The following ZNF75A variants were observed in gnomAD, a reference collection of about 807,000 sequenced individuals.
ZNF75A encodes the protein zinc finger protein 75A.
ZNF75A carries 36 observed loss-of-function variants against 46.3 expected under a neutral mutation model. The ratio of observed to expected loss-of-function variants is 0.78; its 90% CI spans 0.60 to 1.03. ZNF75A has a LOEUF of 1.03. ZNF75A is among the 50% of genes least tolerant of loss of function. The pLI, the probability that ZNF75A is intolerant of heterozygous loss-of-function variation, is 0.00. For synonymous variants in ZNF75A, 234 were observed against 189.9 expected (o/e 1.23, Z -1.91); for missense variants, 595 against 551.3 (o/e 1.08, Z -0.79).
Position 3,311,915 on chromosome 16 carries a change from A to T in ZNF75A, c.571A>T (p.Thr191Ser), listed in dbSNP as rs761373894. 7.1e-6 allele frequency: 7 copies of T among 988,462 alleles called. No individual in the cohort carries two copies. The highest frequency in any genetic ancestry group is 7.2e-6 in the Non-Finnish European group (6 of 831,050). The allele number at this position is 988,462 out of a possible 1,614,324, so 61.2% of individuals were successfully genotyped here. ...TCTGCAAGAACAGCTCAGCAGGAAT[A>T]CTCATAAAGAGACTGAGCCTGTGTA... ...EGLQEQLSRN[T>S]HKETEPVYER... The change falls in exon 3 of 7, where the codon ACT (threonine) becomes TCT (serine). Residue 191 changes from threonine (T) to serine (S), a missense_variant. By Grantham distance (58) the Thr-to-Ser change is moderately conservative (BLOSUM62 1). Coordinates refer to ENST00000669516, the MANE Select transcript of ZNF75A (RefSeq NM_001302109.2).
chr16:3,315,164 T>A, intron 5 of ZNF75A: 7 of 685,852 alleles, frequency 1.0e-5, no homozygotes, highest in Admixed American at 6.3e-5. Context: ...ATCCAGTTGC[T>A]CAGGGCAAAC....
intron 5 of ZNF75A, chr16:3,315,226 C>T (rs1362138591): frequency 5.6e-6 from 2 of 357,886 alleles, no homozygotes; most frequent in African/African-American, 4.7e-5. Context: ...GAGCCTCGCT[C>T]TGTCGCCCAG....
At position 3,318,182 on chromosome 16, in the gene ZNF75A, C is replaced by T. The variant is rs897938599; in HGVS notation, c.*313C>T. The T allele has an allele frequency of 1.9e-6, 2 of 1,071,600 alleles. No homozygotes were observed. The highest frequency in any genetic ancestry group is 3.9e-5 in the South Asian group (1 of 25,588). The allele number at this position is 1,071,600 out of a possible 1,614,324, so 66.4% of individuals were successfully genotyped here. ...TGCATGTTTAATTGCATACCATTCTCTTCACAGTAGCAGGCTTACCAATTT... is the reference window on the plus strand; with the variant it reads ...TGCATGTTTAATTGCATACCATTCTTTTCACAGTAGCAGGCTTACCAATTT... On this transcript the variant is annotated 3_prime_UTR_variant, in exon 7 of 7. Transcript: ENST00000669516.
At chr16:3,309,751 CAAAAA>C (rs766446616) in intron 2 of ZNF75A, among the ~76,000 whole-genome samples, 3 of 55,646 alleles carry the variant, frequency 5.4e-5, no homozygotes, top group Non-Finnish European at 7.6e-5. Context: ...GAGAACCTGT[CAAAAA>C]AAAAAAAAAA....
intron 2 of ZNF75A, among the ~76,000 whole-genome samples, chr16:3,310,254 C>T (rs895098041): frequency 6.6e-6 from 1 of 152,090 alleles, no homozygotes; most frequent in African/African-American, 2.4e-5. Flanking sequence ...ACTAGCTGAG[C>T]ATGGTGGCGT....
chr16:3,308,739 C>G lies in ZNF75A; in HGVS notation c.311C>G (p.Thr104Arg), dbSNP rs1960476714. Residue 104 changes from threonine (T) to arginine (R), a missense_variant, in exon 2 of 7, where the codon ACA (threonine) becomes AGA (arginine). Physicochemically the swap from Thr to Arg is moderately conservative, Grantham distance 71. Coordinates refer to ENST00000669516, the MANE Select transcript of ZNF75A (RefSeq NM_001302109.2). ...EQFLTILPRE[T>R]QTQMQKHHPQ... The stretch of plus-strand genomic sequence containing the variant: ...TTCCTGACTATTCTGCCCAGGGAGA[C>G]ACAGACCCAGATGCAGAAGCACCAT... The G allele has an allele frequency of 1.8e-5, 18 of 989,948 alleles. No individual in the cohort carries two copies. Among genetic ancestry groups the G allele is most frequent in the Non-Finnish European group, 2.2e-5 (18 of 831,720 alleles). The allele number at this position is 989,948 out of a possible 1,614,324, so 61.3% of individuals were successfully genotyped here. A position where few individuals can be genotyped will look rare whatever the true frequency, so the allele number is the denominator to read the frequency against.
chr16:3,319,791 T>A (rs1055512001), downstream of ZNF75A, among the ~76,000 whole-genome samples: 37 of 115,338 alleles, frequency 3.2e-4, no homozygotes, highest in South Asian at 8.8e-4. Flanking sequence ...TCATTTTTTT[T>A]TTTTTATTTT....
At chr16:3,322,577 A>G (rs745740757), downstream of ZNF75A, among the ~76,000 whole-genome samples, 23 of 152,182 alleles carry the variant, frequency 1.5e-4, no homozygotes, top group Non-Finnish European at 2.6e-4. Flanking sequence ...ATTTAAGAAA[A>G]CTATCTGAAT....
At chr16:3,311,052 T>G (rs536854169) in intron 2 of ZNF75A, 1 of 647,688 alleles carries the variant, frequency 1.5e-6, no homozygotes, top group South Asian at 6.9e-5. Context: ...TTAAATTCAT[T>G]TATTTGAATT....
intron 5 of ZNF75A, among the ~76,000 whole-genome samples, chr16:3,313,664 G>A (rs887987917): frequency 6.6e-6 from 1 of 152,176 alleles, no homozygotes; most frequent in Non-Finnish European, 1.5e-5. Context: ...TTTAACAGGT[G>A]CGCCTGCATC....
intron 5 of ZNF75A, among the ~76,000 whole-genome samples, chr16:3,314,508 C>T (rs1961049841): frequency 6.6e-6 from 1 of 152,200 alleles, no homozygotes; most frequent in Non-Finnish European, 1.5e-5. Flanking sequence ...CATGTTAGCC[C>T]CAGAGGTTCT....
chr16:3,305,953 C>G (rs1017729506), intron 1 of ZNF75A: 1 of 152,254 alleles, frequency 6.6e-6, no homozygotes, highest in African/African-American at 2.4e-5. Context: ...TGCAGCTGCG[C>G]CCGCAGACTC....
downstream of ZNF75A, among the ~76,000 whole-genome samples, chr16:3,320,333 C>T (rs6650578): frequency 4.9e-3 from 741 of 152,326 alleles, 7 homozygotes; most frequent in African/African-American, 0.016. Context: ...CGTGAGCCAC[C>T]GCACCTGGCC....
chr16:3,308,493 C>T lies in ZNF75A; in HGVS notation c.65C>T (p.Thr22Ile), dbSNP rs1284299795. The T allele has an allele frequency of 1.0e-6, 1 of 985,778 alleles. No individual in the cohort carries two copies. The highest frequency in any genetic ancestry group is 1.2e-6 in the Non-Finnish European group (1 of 829,946). The allele number at this position is 985,778 out of a possible 1,614,324, so 61.1% of individuals were successfully genotyped here. The change falls in exon 2 of 7, where the codon ACC becomes ATC. Residue 22 changes from threonine (T) to isoleucine (I), a missense_variant. Physicochemically the swap from Thr to Ile is moderately conservative, Grantham distance 89. Coordinates refer to ENST00000669516, the MANE Select transcript of ZNF75A (RefSeq NM_001302109.2). ...CCTCAGATCAGGGCTTTGTGGGAGA[C>T]CAAGGGGCCTGCAAGAGAGAGCTCC... ...LDPQIRALWE[T>I]KGPARESSGQ...
rs529149029 is a variant in ZNF75A at position 3,306,004 on chromosome 16, A to G, written c.-117+361A>G. The G allele has an allele frequency of 3.3e-5, 5 of 152,300 alleles. No individual in the cohort carries two copies. The East Asian group carries it at 9.7e-4, about 30-fold the overall frequency. The allele number at this position is 152,300 out of a possible 1,614,324, so 9.4% of individuals were successfully genotyped here. On this transcript the variant is annotated intron_variant, in intron 1 of 6. Coordinates refer to ENST00000669516, the MANE Select transcript of ZNF75A (RefSeq NM_001302109.2). Reference sequence around the variant, plus strand: ...GGCATTTCCGTGTCCGGCCGATGTCATGCGGTCGGTTGAGCCTCAGGGCTA... The same window carrying G: ...GGCATTTCCGTGTCCGGCCGATGTCGTGCGGTCGGTTGAGCCTCAGGGCTA...
chr16:3,315,175 A>ATT (rs1961109367), intron 5 of ZNF75A: 1 of 761,114 alleles, frequency 1.3e-6, no homozygotes, highest in Non-Finnish European at 1.6e-6. Context: ...CAGGGCAAAC[A>ATT]AAGTACTGTC....
At position 3,318,491 on chromosome 16, in the gene ZNF75A, T is replaced by A; in HGVS notation, c.*622T>A. 1.0e-6 allele frequency: 1 copy of A among 985,366 alleles called. No homozygotes were observed. Among genetic ancestry groups the A allele is most frequent in the Non-Finnish European group, 1.2e-6 (1 of 829,922 alleles). 61.0% of individuals were successfully genotyped at this position (985,366 alleles called of 1,614,324 possible). ...ATAGAAGACATCTCTAATGGAATCA[T>A]GGGGGAAACGGGTTGGAATTTGTAG... On this transcript the variant is annotated 3_prime_UTR_variant, in exon 7 of 7. Coordinates refer to ENST00000669516, the MANE Select transcript of ZNF75A (RefSeq NM_001302109.2).
At chr16:3,314,739 T>G (rs1206586056) in intron 5 of ZNF75A, 2 of 985,340 alleles carry the variant, frequency 2.0e-6, no homozygotes, top group Admixed American at 1.2e-4. Flanking sequence ...TCCATTCTCT[T>G]CTTTAGAGCT....
At chr16:3,321,646 T>TTAC (rs2029950396), downstream of ZNF75A, among the ~76,000 whole-genome samples, 1 of 152,048 alleles carries the variant, frequency 6.6e-6, no homozygotes, top group African/African-American at 2.4e-5. Context: ...TTTTTTTACT[T>TTAC]TTAGTAGAGA....
Sources: gnomAD v4.1 joint callset for allele counts (sites outside exome capture counted in the v4.1 genomes callset) on GRCh38, gnomAD v4.1.1 for gene constraint, MANE v1.5 for transcripts, NCBI Gene and HGNC (gene_info 2026-07-23, HGNC 2026-07-21) for gene names.